NAA60: variants seen among roughly 807,000 people sequenced by gnomAD.
NAA60 encodes the protein N-alpha-acetyltransferase 60.
In NAA60, 8 loss-of-function variants were observed where a neutral mutation model predicts 26.1. That is an observed-to-expected ratio of 0.31 (90% CI 0.18 to 0.55). The LOEUF (loss-of-function observed/expected upper bound fraction) is 0.55. NAA60 is among the 20% of genes least tolerant of loss of function. The pLI is 0.93. For missense variants in NAA60, 290 were observed against 311.3 expected, an observed-to-expected ratio of 0.93 and a Z score of 0.51; for synonymous variants, 131 against 122.5, an observed-to-expected ratio of 1.07 and a Z score of -0.46.
intron 2 of NAA60, among the ~76,000 whole-genome samples, chr16:3,464,979 A>G (rs1402362030): frequency 6.6e-6 from 1 of 152,112 alleles, no homozygotes; most frequent in African/African-American, 2.4e-5. Context: ...TCTATTTCAG[A>G]AAAAGGGGCC....
chr16:3,462,843 A>G (rs37772), intron 2 of NAA60, among the ~76,000 whole-genome samples: 41,661 of 152,114 alleles, frequency 0.27, 5,697 homozygotes, highest in African/African-American at 0.29. Context: ...TGCTTTGACA[A>G]ATTTAAAACA....
chr16:3,443,639 T>C (rs968617971), upstream of NAA60: 1 of 1,096,512 alleles, frequency 9.1e-7, no homozygotes, highest in Non-Finnish European at 1.2e-6. Flanking sequence ...ACTGGGCAGC[T>C]GCGAGAGGTA....
intron 3 of NAA60, 150 bp from the exon 4 acceptor site, chr16:3,479,321 G>A: frequency 1.4e-6 from 1 of 697,656 alleles, no homozygotes; most frequent in Non-Finnish European, 2.4e-6. Flanking sequence ...TGACAGTTAG[G>A]TAGAGACTTA....
At chr16:3,458,503 C>T (rs904595321) in intron 2 of NAA60, among the ~76,000 whole-genome samples, 3 of 152,162 alleles carry the variant, frequency 2.0e-5, no homozygotes, top group African/African-American at 7.2e-5. Flanking sequence ...GGACAATTTG[C>T]AACTAGAGGG....
At chr16:3,445,452 T>TG in intron 1 of NAA60, among the ~76,000 whole-genome samples, 1 of 151,882 alleles carries the variant, frequency 6.6e-6, no homozygotes, top group Non-Finnish European at 1.5e-5. Flanking sequence ...TTTTTTTTTT[T>TG]GTATTTTTAG....
chr16:3,476,287 C>G lies in NAA60; in HGVS notation c.60C>G (p.His20Gln). The G allele has an allele frequency of 6.2e-7, 1 of 1,613,986 alleles. No individual in the cohort carries two copies. The stretch of plus-strand genomic sequence containing the variant: ...AGGTCAGCCTGCGCCTCCTCTGCCA[C>G]GATGACATAGACACTGTGAAGCACC... ...LSEVSLRLLCHDDIDTVKHLC... is the reference protein window; with the variant it reads ...LSEVSLRLLCQDDIDTVKHLC... The change falls in exon 3 of 8, where the codon CAC (histidine) becomes CAG (glutamine). Residue 20 changes from histidine (H) to glutamine (Q), a missense_variant. His to Gln is a conservative substitution (Grantham distance 24). Coordinates refer to ENST00000407558, the MANE Select transcript of NAA60 (RefSeq NM_001083601.3).
At chr16:3,473,749 T>TTGTTGTTGTTGTTG (rs1203211480) in intron 2 of NAA60, among the ~76,000 whole-genome samples, 17 of 135,980 alleles carry the variant, frequency 1.3e-4, no homozygotes, top group African/African-American at 5.3e-4. Context: ...TGTTGTTGTT[T>TTGTTGTTGTTGTTG]TTTGAGATGG....
chr16:3,479,849 A>G (rs1164958740), intron 4 of NAA60, among the ~76,000 whole-genome samples: 2 of 152,226 alleles, frequency 1.3e-5, no homozygotes, highest in Non-Finnish European at 2.9e-5. Flanking sequence ...GTTCTGAAGC[A>G]GGCATGAGCG....
At chr16:3,455,968 G>A (rs1470077411) in intron 2 of NAA60, among the ~76,000 whole-genome samples, 1 of 152,094 alleles carries the variant, frequency 6.6e-6, no homozygotes, top group Non-Finnish European at 1.5e-5. Context: ...ACCTCCCAAA[G>A]TGCTGGGATT....
At chr16:3,481,762 T>A (rs2036852224) in intron 4 of NAA60, among the ~76,000 whole-genome samples, 1 of 152,156 alleles carries the variant, frequency 6.6e-6, no homozygotes, top group Admixed American at 6.5e-5. Context: ...TAAGGACGCC[T>A]TCCTCCCTGG....
At chr16:3,483,007 C>T (rs752583745) in intron 5 of NAA60, 4 of 471,148 alleles carry the variant, frequency 8.5e-6, no homozygotes, top group Non-Finnish European at 1.5e-5. Flanking sequence ...CACTCGGCCA[C>T]ACGGCCAGTG....
rs376842133 is a variant in NAA60 at position 3,449,820 on chromosome 16, A to C, written c.-7+1280A>C. 6.6e-5 allele frequency among the ~76,000 whole-genome samples: 10 copies of C among 152,286 alleles called. No homozygotes were observed. In the East Asian group the frequency reaches 7.7e-4, roughly 12 times the overall value. On this transcript the variant is annotated intron_variant, in intron 2 of 7. Coordinates refer to ENST00000407558, the MANE Select transcript of NAA60 (RefSeq NM_001083601.3). The stretch of plus-strand genomic sequence containing the variant: ...CTCATGATAGTGAATAAGTCTCACG[A>C]GATCTAATGGTTTTTAAAAAGGGGA...
At chr16:3,456,599 G>C (rs554204230) in intron 2 of NAA60, 3 of 152,336 alleles carry the variant, frequency 2.0e-5, no homozygotes, top group South Asian at 2.1e-4. Flanking sequence ...GTTCACTGGT[G>C]AAACTTTTGG....
intron 1 of NAA60, among the ~76,000 whole-genome samples, chr16:3,445,042 C>T (rs1299652422): frequency 6.6e-6 from 1 of 152,164 alleles, no homozygotes; most frequent in African/African-American, 2.4e-5. Context: ...AAGAGCTAGA[C>T]CTTGTGGGGA....
intron 3 of NAA60, among the ~76,000 whole-genome samples, chr16:3,476,750 G>A (rs189810813): frequency 6.6e-6 from 1 of 152,286 alleles, no homozygotes; most frequent in Admixed American, 6.5e-5. Flanking sequence ...TTTTTTGATA[G>A]AGAAATCTTT....
intron 2 of NAA60, among the ~76,000 whole-genome samples, chr16:3,455,556 G>A (rs977824151): frequency 1.3e-5 from 2 of 151,116 alleles, no homozygotes; most frequent in South Asian, 2.1e-4. Flanking sequence ...CACCACGCCC[G>A]GCTAATTTTT....
intron 2 of NAA60, chr16:3,467,623 GGT>G (rs1292903432): frequency 3.3e-5 from 5 of 152,170 alleles, no homozygotes; most frequent in African/African-American, 9.7e-5. Flanking sequence ...GCATCATGAG[GGT>G]GTCAGGAAAC....
At chr16:3,467,026 TG>T (rs1338138033) in intron 2 of NAA60, among the ~76,000 whole-genome samples, 3 of 151,228 alleles carry the variant, frequency 2.0e-5, no homozygotes, top group Non-Finnish European at 2.9e-5. Context: ...GCCTGCAGGG[TG>T]CGGACAGCCT....
At chr16:3,455,455 C>T (rs1239855156) in intron 2 of NAA60, among the ~76,000 whole-genome samples, 14 of 138,922 alleles carry the variant, frequency 1.0e-4, no homozygotes, top group Non-Finnish European at 2.0e-4. Flanking sequence ...AGTGCAGTGG[C>T]GCGATCTCAG....
Sources: allele counts gnomAD v4.1 joint callset (sites outside exome capture counted in the v4.1 genomes callset), GRCh38; gene constraint gnomAD v4.1.1; transcripts MANE v1.5; gene names NCBI Gene and HGNC (gene_info 2026-07-23, HGNC 2026-07-21).